The following LIMCH1 variants were observed in gnomAD, a reference collection of about 807,000 sequenced individuals.
LIMCH1 encodes LIM and calponin homology domains 1.
A neutral mutation model predicts 176.5 loss-of-function variants in LIMCH1; 113 were observed. The observed-to-expected ratio is 0.64, with a 90% CI of 0.55 to 0.75. The LOEUF is 0.75. Among genes scored for constraint, LIMCH1 ranks in the 30% least tolerant of loss-of-function variants. The probability of loss-of-function intolerance (pLI) is 0.00; values close to 1 mark genes in which losing one functional copy is unlikely to be tolerated. For synonymous variants in LIMCH1, 619 were observed against 645.9 expected (o/e 0.96, Z 0.63); for missense variants, 1,674 against 1,814.9 (o/e 0.92, Z 1.41).
intron 1 of LIMCH1, among the ~76,000 whole-genome samples, chr4:41,431,789 A>G (rs1189380946): frequency 6.6e-6 from 1 of 152,204 alleles, no homozygotes; most frequent in Non-Finnish European, 1.5e-5. Flanking sequence ...TTCTTGTGCT[A>G]TTATGAGTTT....
chr4:41,568,019 G>A (rs1012000937), intron 1 of LIMCH1, among the ~76,000 whole-genome samples: 4 of 152,160 alleles, frequency 2.6e-5, no homozygotes, highest in Non-Finnish European at 5.9e-5. Context: ...CAGGCATGGT[G>A]AAACCCACCT....
chr4:41,609,527 C>T (rs2091169601), intron 4 of LIMCH1: 4 of 408,420 alleles, frequency 9.8e-6, no homozygotes, highest in Admixed American at 8.0e-5. Context: ...AGCCACCTTA[C>T]AAATCACAAA....
chr4:41,505,162 A>G (rs886996194), intron 2 of LIMCH1, among the ~76,000 whole-genome samples: 78 of 152,216 alleles, frequency 5.1e-4, no homozygotes, highest in African/African-American at 1.7e-3. Context: ...AGAAATTACT[A>G]CTTCTTGAGG....
chr4:41,612,423 G>A (rs1299222897), intron 4 of LIMCH1: 16 of 627,736 alleles, frequency 2.5e-5, no homozygotes, highest in East Asian at 1.4e-4. Flanking sequence ...CAGTCTTTGC[G>A]GATGAGAACA....
chr4:41,401,680 C>T (rs1229859846), intron 1 of LIMCH1, among the ~76,000 whole-genome samples: 2 of 152,016 alleles, frequency 1.3e-5, no homozygotes, highest in Non-Finnish European at 2.9e-5. Flanking sequence ...AATGTTCTTC[C>T]ATTTGTTTGT....
chr4:41,542,516 A>G (rs2078805796), intron 1 of LIMCH1, among the ~76,000 whole-genome samples: 2 of 152,306 alleles, frequency 1.3e-5, no homozygotes, highest in African/African-American at 4.8e-5. Flanking sequence ...AGAAAAATGC[A>G]TATAAATAAA....
chr4:41,651,548 T>G (rs933299265), intron 18 of LIMCH1, among the ~76,000 whole-genome samples: 3 of 152,238 alleles, frequency 2.0e-5, no homozygotes, highest in African/African-American at 7.2e-5. Context: ...TCACTATTGG[T>G]GTCCAGTGTT....
intron 2 of LIMCH1, among the ~76,000 whole-genome samples, chr4:41,516,267 A>G (rs2075573745): frequency 6.6e-6 from 1 of 152,120 alleles, no homozygotes; most frequent in African/African-American, 2.4e-5. Context: ...TGGAAGAGGG[A>G]AGGATCCCGG....
intron 1 of LIMCH1, among the ~76,000 whole-genome samples, chr4:41,431,134 C>G (rs1178479637): frequency 6.6e-6 from 1 of 152,310 alleles, no homozygotes; most frequent in East Asian, 1.9e-4. Context: ...TGTCTGCTTC[C>G]TAGTGGGTTA....
At chr4:41,697,051 G>C (rs1731246625) in intron 31 of LIMCH1, 109 bp from the exon 32 acceptor site, 2 of 1,115,900 alleles carry the variant, frequency 1.8e-6, no homozygotes, top group Non-Finnish European at 2.7e-6. Flanking sequence ...TGGTCCCCAG[G>C]AAGAGGAGAC....
rs181947078 is a variant in LIMCH1 at position 41,649,732 on chromosome 4, C to T, written c.2821-661C>T. 6.2e-4 allele frequency among the ~76,000 whole-genome samples: 94 copies of T among 152,308 alleles called. 1 individual carries two copies. The highest frequency in any genetic ancestry group is 2.2e-3 in the African/African-American group (92 of 41,574). On this transcript the variant is annotated intron_variant, in intron 17 of 31. Coordinates refer to ENST00000503057, the MANE Select transcript of LIMCH1 (RefSeq NM_001330672.2). ...ATGCCTTTCAGTAAGCCAGGCTAACCGCCCTCTCTGGTTTCCCTTTCTTGC... is the reference window on the plus strand; with the variant it reads ...ATGCCTTTCAGTAAGCCAGGCTAACTGCCCTCTCTGGTTTCCCTTTCTTGC...
chr4:41,625,189 G>A (rs1169129559), intron 7 of LIMCH1, among the ~76,000 whole-genome samples: 2 of 152,146 alleles, frequency 1.3e-5, no homozygotes, highest in Non-Finnish European at 2.9e-5. Flanking sequence ...CTTCTGCAAA[G>A]TGGGCGTCAT....
intron 1 of LIMCH1, among the ~76,000 whole-genome samples, chr4:41,424,071 TCA>T (rs1453578777): frequency 6.6e-6 from 1 of 152,164 alleles, no homozygotes; most frequent in Non-Finnish European, 1.5e-5. Flanking sequence ...TATGATTGAC[TCA>T]GACTTTTTAA....
At position 41,613,538 on chromosome 4, in the gene LIMCH1, C is replaced by T. The variant is rs770764833; in HGVS notation, c.82C>T (p.Arg28Cys). 1.3e-5 allele frequency: 21 copies of T among 1,613,914 alleles called. No individual in the cohort carries two copies. The highest frequency in any genetic ancestry group is 1.7e-5 in the Non-Finnish European group (20 of 1,179,984). ...CTACATCGACTGCTGGGATTCCGAG[C>T]GCAGCGACTCCCTCTCTCCTCCTCG... ...SGYIDCWDSE[R>C]SDSLSPPRHG... is the part of the protein sequence containing the mutation. The change falls in exon 5 of 32, where the codon CGC becomes TGC. Residue 28 changes from arginine (R) to cysteine (C), a missense_variant. Physicochemically the swap from Arg to Cys is radical, Grantham distance 180 (BLOSUM62 -3). Around this residue, in one of 3 missense-constraint regions of LIMCH1, gnomAD observed 655 missense variants for 692.2 expected, o/e 0.95. Transcript: ENST00000503057.
chr4:41,549,381 A>T (rs1468084704), intron 1 of LIMCH1, among the ~76,000 whole-genome samples: 2 of 152,312 alleles, frequency 1.3e-5, no homozygotes, highest in Non-Finnish European at 2.9e-5. Flanking sequence ...AGACACAGGG[A>T]TGTGAAGTCC....
intron 31 of LIMCH1, among the ~76,000 whole-genome samples, chr4:41,693,665 G>A (rs1728155046): frequency 6.6e-6 from 1 of 151,602 alleles, no homozygotes; most frequent in Non-Finnish European, 1.5e-5. Context: ...TATTTAAACT[G>A]GACTTTTGCT....
chr4:41,554,628 A>G (rs2080992195), intron 1 of LIMCH1, among the ~76,000 whole-genome samples: 1 of 152,152 alleles, frequency 6.6e-6, no homozygotes. Context: ...TGAATTGCAC[A>G]GTTGGCCCTC....
chr4:41,494,341 A>C (rs1296471145), intron 1 of LIMCH1, among the ~76,000 whole-genome samples: 4 of 149,864 alleles, frequency 2.7e-5, no homozygotes, highest in African/African-American at 9.8e-5. Flanking sequence ...ATACACATAC[A>C]TATATATACA....
chr4:41,673,800 T>C (rs2095128971), intron 22 of LIMCH1, among the ~76,000 whole-genome samples: 1 of 152,206 alleles, frequency 6.6e-6, no homozygotes, highest in South Asian at 2.1e-4. Context: ...CAGAGGAAGA[T>C]ATGGACTTGT....
Sources: allele counts gnomAD v4.1 joint callset (sites outside exome capture counted in the v4.1 genomes callset), GRCh38; gene constraint gnomAD v4.1.1; regional missense constraint gnomAD v4.1.1; transcripts MANE v1.5; gene names NCBI Gene and HGNC (gene_info 2026-07-23, HGNC 2026-07-21).